FRMPD2: variants seen among roughly 807,000 people sequenced by gnomAD.
FRMPD2 encodes FERM and PDZ domain containing 2, also known as FERM and PDZ domain-containing protein 2.
FRMPD2 carries 96 observed loss-of-function variants against 140.1 expected under a neutral mutation model. The ratio of observed to expected loss-of-function variants is 0.69; its 90% CI spans 0.58 to 0.81. The LOEUF (loss-of-function observed/expected upper bound fraction) is 0.81. Among genes scored for constraint, FRMPD2 ranks in the 40% least tolerant of loss-of-function variants. FRMPD2 has a pLI of 0.00. For missense variants in FRMPD2, 1,240 were observed against 1,447.4 expected (o/e 0.86, Z 2.32); for synonymous variants, 449 against 547.6 (o/e 0.82, Z 2.52).
intron 16 of FRMPD2, among the ~76,000 whole-genome samples, chr10:48,190,709 G>A (rs1342782365): frequency 2.6e-5 from 4 of 152,212 alleles, no homozygotes; most frequent in Non-Finnish European, 5.9e-5. Context: ...TAAGGGTCAT[G>A]AAAATTTGGC....
At chr10:48,269,040 CTCA>C (rs1043206010) in intron 1 of FRMPD2, among the ~76,000 whole-genome samples, 1 of 151,958 alleles carries the variant, frequency 6.6e-6, no homozygotes, top group Non-Finnish European at 1.5e-5. Flanking sequence ...TTACTATTTA[CTCA>C]TCAATTAGAA....
intron 15 of FRMPD2, among the ~76,000 whole-genome samples, chr10:48,193,264 A>T (rs578091247): frequency 2.0e-5 from 3 of 152,326 alleles, no homozygotes; most frequent in Admixed American, 6.5e-5. Context: ...CTGCTTTTAC[A>T]GATCTGTCCT....
At chr10:48,219,315 C>G (rs1839527218) in intron 12 of FRMPD2, among the ~76,000 whole-genome samples, 1 of 151,866 alleles carries the variant, frequency 6.6e-6, no homozygotes, top group African/African-American at 2.4e-5. Flanking sequence ...CTAAGCATTC[C>G]CCAGTGGCAC....
intron 1 of FRMPD2, 70 bp downstream of exon 1, chr10:48,274,473 G>T: frequency 7.5e-7 from 1 of 1,341,088 alleles, no homozygotes; most frequent in Non-Finnish European, 1.1e-6. Flanking sequence ...CGGATACCTA[G>T]ACCCAGTAAG....
chr10:48,181,669 A>G (rs1400739369), intron 20 of FRMPD2, among the ~76,000 whole-genome samples: 2 of 152,036 alleles, frequency 1.3e-5, no homozygotes, highest in Non-Finnish European at 2.9e-5. Flanking sequence ...GTGAATCAGT[A>G]GAAAAACCTT....
At chr10:48,167,529 T>A (rs2132397437) in intron 27 of FRMPD2, among the ~76,000 whole-genome samples, 1 of 107,410 alleles carries the variant, frequency 9.3e-6, no homozygotes, top group East Asian at 2.8e-4. Flanking sequence ...TGAGGCCCTG[T>A]TTATAGCTGC....
chr10:48,228,633 T>A (rs991245090), intron 10 of FRMPD2, among the ~76,000 whole-genome samples: 1 of 151,982 alleles, frequency 6.6e-6, no homozygotes, highest in African/African-American at 2.4e-5. Context: ...TTATGATTGC[T>A]TACTTTCTAG....
At chr10:48,220,972 C>T (rs866802074) in intron 12 of FRMPD2, among the ~76,000 whole-genome samples, 1 of 152,286 alleles carries the variant, frequency 6.6e-6, no homozygotes. Flanking sequence ...AAAAAGGGAA[C>T]ACTTTTATAC....
chr10:48,274,422 G>T, intron 1 of FRMPD2, 121 bp downstream of exon 1: 3 of 804,588 alleles, frequency 3.7e-6, no homozygotes, highest in South Asian at 1.6e-5. Context: ...ACCACAAAGG[G>T]CACTGACACA....
Position 48,250,797 on chromosome 10 carries a change from T to TTA in FRMPD2, c.151+768_151+769insTA, listed in dbSNP as rs1379000222. Among the ~76,000 whole-genome samples the TTA allele has an allele frequency of 4.8e-3, 427 of 89,262 alleles. 2 individuals carry two copies. The highest frequency in any genetic ancestry group is 0.024 in the African/African-American group (318 of 13,116). 58.6% of individuals were successfully genotyped at this position (89,262 alleles called of 152,430 possible). ...TTTAGAACACAGAGTAGGTCTGCCTTTTTTTTTTTTTTTTTTTTGAGATGA... is the reference window on the plus strand; with the variant it reads ...TTTAGAACACAGAGTAGGTCTGCCTTTATTTTTTTTTTTTTTTTTTGAGATGA... On this transcript the variant is annotated intron_variant, in intron 2 of 28. Transcript: ENST00000374201.
rs376485983 is a variant in FRMPD2 at position 48,223,407 on chromosome 10, T to A, written c.1169-137A>T. The A allele has an allele frequency of 2.0e-4, 139 of 691,226 alleles. 2 individuals carry two copies. The South Asian group carries it at 4.3e-3, about 21-fold the overall frequency. 42.8% of individuals were successfully genotyped at this position (691,226 alleles called of 1,614,324 possible). ...CAGGAGTGGGAGGTAAGTCTTTGCGTACCTGGTAGCAAGGAACCTTTGTTG... is the reference window on the plus strand; with the variant it reads ...CAGGAGTGGGAGGTAAGTCTTTGCGAACCTGGTAGCAAGGAACCTTTGTTG... On this transcript the variant is annotated intron_variant, in intron 10 of 28. Coordinates refer to ENST00000374201, the MANE Select transcript of FRMPD2 (RefSeq NM_001018071.4).
chr10:48,188,856 T>C (rs114992726), intron 16 of FRMPD2, among the ~76,000 whole-genome samples: 1 of 152,194 alleles, frequency 6.6e-6, no homozygotes, highest in African/African-American at 2.4e-5. Context: ...GAAATGTGAA[T>C]GATTCCACTC....
At chr10:48,192,134 A>G (rs969315675) in intron 16 of FRMPD2, among the ~76,000 whole-genome samples, 26 of 152,316 alleles carry the variant, frequency 1.7e-4, no homozygotes, top group African/African-American at 6.0e-4. Flanking sequence ...TTTCTTCACC[A>G]AAAGACGGGA....
At chr10:48,210,684 C>A (rs747230545) in intron 13 of FRMPD2, among the ~76,000 whole-genome samples, 1 of 152,228 alleles carries the variant, frequency 6.6e-6, no homozygotes, top group Admixed American at 6.5e-5. Flanking sequence ...CTATGGAGTG[C>A]CCTGATCATG....
chr10:48,230,513 C>T lies in FRMPD2; in HGVS notation c.1168+1602G>A, dbSNP rs192380610. Among the ~76,000 whole-genome samples, 10 of 152,316 alleles carry T rather than the reference C, an allele frequency of 6.6e-5. No individual in the cohort carries two copies. The East Asian group carries it at 7.7e-4, about 12-fold the overall frequency. ...GCAGAACAAGCTTCAAAGGAGCCTA[C>T]GTGGTCAACCACTATTCTTGATGCA... On this transcript the variant is annotated intron_variant, in intron 10 of 28. Transcript: ENST00000374201.
chr10:48,206,004 C>T (rs1274079519), intron 14 of FRMPD2, among the ~76,000 whole-genome samples: 2 of 151,960 alleles, frequency 1.3e-5, no homozygotes, highest in Admixed American at 1.3e-4. Flanking sequence ...TTTTCAGGGG[C>T]CGCAAGATAA....
intron 6 of FRMPD2, 92 bp downstream of exon 6, chr10:48,240,268 A>C: frequency 1.4e-6 from 2 of 1,406,348 alleles, no homozygotes; most frequent in South Asian, 2.6e-5. Flanking sequence ...TTTCTCTGCC[A>C]TCACAATGTG....
At chr10:48,217,193 G>C (rs1360525736) in intron 12 of FRMPD2, among the ~76,000 whole-genome samples, 1 of 152,208 alleles carries the variant, frequency 6.6e-6, no homozygotes, top group South Asian at 2.1e-4. Flanking sequence ...CAGTCCGGGA[G>C]TTTCAACTCC....
At chr10:48,273,614 C>T (rs531863481) in intron 1 of FRMPD2, among the ~76,000 whole-genome samples, 57 of 152,268 alleles carry the variant, frequency 3.7e-4, no homozygotes, top group African/African-American at 1.3e-3. Context: ...CCCAGGAGCC[C>T]GTGCCACCTC....
Sources: gnomAD v4.1 joint callset for allele counts (sites outside exome capture counted in the v4.1 genomes callset) on GRCh38, gnomAD v4.1.1 for gene constraint, MANE v1.5 for transcripts, NCBI Gene and HGNC (gene_info 2026-07-23, HGNC 2026-07-21) for gene names.